The following AZI2 variants were observed in gnomAD, a reference collection of about 807,000 sequenced individuals.
The protein encoded by AZI2 is 5-azacytidine induced 2.
Under a neutral mutation model 45.8 loss-of-function variants are expected in AZI2, and 22 were observed. That is an observed-to-expected ratio of 0.48 (90% CI 0.34 to 0.69). AZI2 has a LOEUF of 0.69. AZI2 is among the 30% of genes least tolerant of loss of function. The pLI is 0.01. For synonymous variants in AZI2, 137 were observed against 156.7 expected, an observed-to-expected ratio of 0.87 and a Z score of 0.94; for missense variants, 417 against 441.5, an observed-to-expected ratio of 0.94 and a Z score of 0.50.
rs1436837560 is a variant in AZI2 at position 28,323,352 on chromosome 3, TCA to T, written c.*688_*689del. 2 of 145,904 alleles carry T rather than the reference TCA, an allele frequency of 1.4e-5. No individual in the cohort carries two copies. Among genetic ancestry groups the T allele is most frequent in the South Asian group, 2.1e-4 (1 of 4,696 alleles). The allele number at this position is 145,904 out of a possible 1,614,324, so 9.0% of individuals were successfully genotyped here. On this transcript the variant is annotated 3_prime_UTR_variant, in exon 8 of 8. Transcript: ENST00000479665. ...TACACCCCAGAGTTTTTCAACTATTTCATTTTTTTTTTTTTTTTTCCCAATTA... is the reference window on the plus strand; with the variant it reads ...TACACCCCAGAGTTTTTCAACTATTTTTTTTTTTTTTTTTTTTCCCAATTA...
chr3:28,332,343 G>A (rs765251029), intron 6 of AZI2, 26 bp downstream of exon 6: 12 of 1,582,650 alleles, frequency 7.6e-6, no homozygotes, highest in African/African-American at 5.4e-5. Context: ...ACAACGTATT[G>A]TCTTAATGCT....
chr3:28,329,496 AGGAG>A (rs1331210722), intron 6 of AZI2, among the ~76,000 whole-genome samples: 3 of 151,154 alleles, frequency 2.0e-5, no homozygotes, highest in African/African-American at 7.3e-5. Flanking sequence ...CCACAACTGA[AGGAG>A]GGAGTACATG....
At chr3:28,333,291 G>A (rs1703656921) in intron 5 of AZI2, among the ~76,000 whole-genome samples, 2 of 151,528 alleles carry the variant, frequency 1.3e-5, no homozygotes, top group Admixed American at 1.3e-4. Context: ...TAATCTTATA[G>A]GAGTTAAAAC....
At chr3:28,330,704 G>C (rs571450145) in intron 6 of AZI2, among the ~76,000 whole-genome samples, 13 of 151,284 alleles carry the variant, frequency 8.6e-5, no homozygotes, top group Non-Finnish European at 1.6e-4. Context: ...AACCTAATCA[G>C]TTTTGCAGTT....
rs776785010 is a variant in AZI2 at position 28,340,576 on chromosome 3, A to C, written c.42T>G (p.His14Gln). 6.2e-7 allele frequency: 1 copy of C among 1,612,964 alleles called. No individual in the cohort carries two copies. Among genetic ancestry groups the C allele is most frequent in the Non-Finnish European group, 8.5e-7 (1 of 1,179,440 alleles). Residue 14 changes from histidine (H) to glutamine (Q), a missense_variant, in exon 2 of 8, where the codon CAT (histidine) becomes CAG (glutamine). Transcript: ENST00000479665. ...LVEDDICILN[H>Q]EKAHKRDTVT... is the part of the protein sequence containing the mutation. The stretch of plus-strand genomic sequence containing the variant: ...CTGTATCTCTCTTATGGGCTTTTTC[A>C]TGATTCAGAATACAGATATCATCTT...
At chr3:28,347,953 T>C (rs1704325335) in intron 1 of AZI2, among the ~76,000 whole-genome samples, 2 of 152,228 alleles carry the variant, frequency 1.3e-5, no homozygotes, top group African/African-American at 4.8e-5. Context: ...TTGATCACCT[T>C]AGCAAATTTC....
intron 1 of AZI2, among the ~76,000 whole-genome samples, chr3:28,341,107 G>A (rs1194840302): frequency 1.8e-4 from 27 of 151,828 alleles, no homozygotes; most frequent in Admixed American, 1.7e-3. Flanking sequence ...TTATATTATA[G>A]AAGTCTTAAT....
chr3:28,323,017 GA>G lies in AZI2; in HGVS notation c.*1024del, dbSNP rs200870951. ...TTATTTCCAAATAATTGGCCACTTA[GA>G]ATAAGTGTGGACATTTCATGATCGA... On this transcript the variant is annotated 3_prime_UTR_variant, in exon 8 of 8. Transcript: ENST00000479665. 7.1e-6 allele frequency: 1 copy of G among 141,184 alleles called. No individual in the cohort carries two copies. The highest frequency in any genetic ancestry group is 1.6e-5 in the Non-Finnish European group (1 of 61,024). 8.7% of individuals were successfully genotyped at this position (141,184 alleles called of 1,614,324 possible).
intron 2 of AZI2, 104 bp from the exon 3 acceptor site, chr3:28,338,719 G>A: frequency 4.8e-6 from 5 of 1,045,316 alleles, no homozygotes; most frequent in Non-Finnish European, 6.5e-6. Flanking sequence ...CGTAATAAGG[G>A]GATAAAGCCT....
intron 1 of AZI2, among the ~76,000 whole-genome samples, chr3:28,346,173 A>T (rs1704220351): frequency 6.6e-6 from 1 of 152,146 alleles, no homozygotes; most frequent in South Asian, 2.1e-4. Context: ...ACAAGGCATA[A>T]CTATGTCAAA....
intron 6 of AZI2, 65 bp downstream of exon 6, chr3:28,332,304 G>A (rs1703611227): frequency 1.4e-6 from 2 of 1,398,500 alleles, no homozygotes; most frequent in Non-Finnish European, 1.0e-6. Flanking sequence ...GAAATCTAAG[G>A]ACCTACACAA....
intron 5 of AZI2, among the ~76,000 whole-genome samples, 167 bp downstream of exon 5, chr3:28,336,570 C>T (rs1703797652): frequency 6.6e-6 from 1 of 151,822 alleles, no homozygotes; most frequent in South Asian, 2.1e-4. Flanking sequence ...CAAATTTTAG[C>T]AGAAATGCTT....
At chr3:28,344,917 C>T (rs1704167490) in intron 1 of AZI2, among the ~76,000 whole-genome samples, 1 of 152,024 alleles carries the variant, frequency 6.6e-6, no homozygotes, top group Admixed American at 6.6e-5. Flanking sequence ...AAAACACTGT[C>T]CAAAGACAAG....
At chr3:28,335,147 G>A (rs1181443447) in intron 5 of AZI2, among the ~76,000 whole-genome samples, 1 of 151,928 alleles carries the variant, frequency 6.6e-6, no homozygotes, top group African/African-American at 2.4e-5. Flanking sequence ...CTACTTTACA[G>A]AAAACAACTT....
Position 28,336,893 on chromosome 3 carries a change from A to G in AZI2, c.440-8T>C. 2 of 1,611,628 alleles carry G rather than the reference A, an allele frequency of 1.2e-6. No homozygotes were observed. Among genetic ancestry groups the G allele is most frequent in the South Asian group, 2.2e-5 (2 of 90,722 alleles). On this transcript the variant is annotated splice_region_variant and splice_polypyrimidine_tract_variant and intron_variant, in intron 4 of 7. Transcript: ENST00000479665. ...GATTTAAATTCCTCATCACTACAAA[A>G]AGGATGGACACTGAAATTGTTATCT...
rs1703467380 is a variant in AZI2 at position 28,328,519 on chromosome 3, G to A, written c.648-1569C>T. On this transcript the variant is annotated intron_variant, in intron 6 of 7. Coordinates refer to ENST00000479665, the MANE Select transcript of AZI2 (RefSeq NM_022461.5). ...GAGCAAATACTGAAGACAGTTCTGAGTACTAAAATACACAGCTAGGCATGG... is the reference window on the plus strand; with the variant it reads ...GAGCAAATACTGAAGACAGTTCTGAATACTAAAATACACAGCTAGGCATGG... 3.3e-5 allele frequency among the ~76,000 whole-genome samples: 5 copies of A among 151,184 alleles called. No homozygotes were observed. In the South Asian group the frequency reaches 1.0e-3, roughly 31 times the overall value.
intron 4 of AZI2, among the ~76,000 whole-genome samples, chr3:28,337,462 T>G (rs1031238151): frequency 1.3e-5 from 2 of 152,120 alleles, no homozygotes; most frequent in African/African-American, 4.8e-5. Flanking sequence ...TGAATATTCA[T>G]GGGAGCAGGC....
intron 1 of AZI2, chr3:28,348,159 A>G (rs1290047523): frequency 6.6e-6 from 1 of 152,202 alleles, no homozygotes; most frequent in African/African-American, 2.4e-5. Flanking sequence ...AACGACGAAT[A>G]CCTGTTAGCC....
chr3:28,329,567 TG>T (rs1703502024), intron 6 of AZI2, among the ~76,000 whole-genome samples: 1 of 151,278 alleles, frequency 6.6e-6, no homozygotes, highest in Non-Finnish European at 1.5e-5. Flanking sequence ...ACACTATATA[TG>T]GAACTCTTTA....
Sources: gnomAD v4.1 joint callset for allele counts (sites outside exome capture counted in the v4.1 genomes callset) on GRCh38, gnomAD v4.1.1 for gene constraint, MANE v1.5 for transcripts, NCBI Gene and HGNC (gene_info 2026-07-23, HGNC 2026-07-21) for gene names.